RAP1GDS1: variants seen among roughly 807,000 people sequenced by gnomAD.
RAP1GDS1 encodes Rap1 GTPase-GDP dissociation stimulator 1.
RAP1GDS1 carries 35 observed loss-of-function variants against 71.1 expected under a neutral mutation model. The ratio of observed to expected loss-of-function variants is 0.49; its 90% CI spans 0.38 to 0.65. The LOEUF is 0.65. RAP1GDS1 is among the 30% of genes least tolerant of loss of function. The pLI is 0.00. For missense variants in RAP1GDS1, 663 were observed against 706.1 expected (o/e 0.94, Z 0.69); for synonymous variants, 229 against 243.1 (o/e 0.94, Z 0.54).
At chr4:98,279,420 AT>A (rs1381334561) in intron 1 of RAP1GDS1, among the ~76,000 whole-genome samples, 1 of 151,780 alleles carries the variant, frequency 6.6e-6, no homozygotes, top group Admixed American at 6.6e-5. Flanking sequence ...TTTAAATGAT[AT>A]AAAAAAGTAT....
At chr4:98,425,498 C>T (rs1436599334) in intron 12 of RAP1GDS1, among the ~76,000 whole-genome samples, 1 of 152,054 alleles carries the variant, frequency 6.6e-6, no homozygotes, top group African/African-American at 2.4e-5. Flanking sequence ...ACTTACCCAA[C>T]ACATAAGGAC....
intron 2 of RAP1GDS1, among the ~76,000 whole-genome samples, chr4:98,332,853 A>C (rs1734191253): frequency 6.6e-6 from 1 of 152,182 alleles, no homozygotes; most frequent in African/African-American, 2.4e-5. Context: ...CTCAATCTTT[A>C]GAAAGACTTG....
intron 2 of RAP1GDS1, among the ~76,000 whole-genome samples, chr4:98,336,000 G>A (rs1471775493): frequency 3.3e-5 from 5 of 151,972 alleles, no homozygotes; most frequent in South Asian, 2.1e-4. Flanking sequence ...GCAAATTGAC[G>A]ACTTCAAAAA....
chr4:98,267,526 G>A (rs183263066), intron 1 of RAP1GDS1, among the ~76,000 whole-genome samples: 18 of 152,174 alleles, frequency 1.2e-4, no homozygotes, highest in African/African-American at 4.1e-4. Context: ...CCCAGTATCT[G>A]TTGTTCCCAT....
chr4:98,295,772 A>T (rs1054773563), intron 2 of RAP1GDS1, among the ~76,000 whole-genome samples: 4 of 152,088 alleles, frequency 2.6e-5, no homozygotes, highest in Admixed American at 1.3e-4. Context: ...TAATAAAAAT[A>T]GCTCTAAATT....
intron 9 of RAP1GDS1, among the ~76,000 whole-genome samples, chr4:98,417,714 A>C (rs1287081935): frequency 6.6e-6 from 1 of 152,210 alleles, no homozygotes; most frequent in African/African-American, 2.4e-5. Context: ...TTTAAATATC[A>C]TGAAGTGCTT....
intron 11 of RAP1GDS1, among the ~76,000 whole-genome samples, chr4:98,420,362 ATTTG>A (rs971562909): frequency 0.014 from 1,980 of 146,646 alleles, 53 homozygotes; most frequent in African/African-American, 0.047. Flanking sequence ...TTATTTATTT[ATTTG>A]TTTATTTATT....
chr4:98,341,050 C>T (rs1309192234), intron 2 of RAP1GDS1, among the ~76,000 whole-genome samples: 1 of 152,064 alleles, frequency 6.6e-6, no homozygotes, highest in Admixed American at 6.6e-5. Context: ...AAAAAATACA[C>T]TTTGTAGTTA....
At chr4:98,262,320 GTAGT>G (rs1560736623) in intron 1 of RAP1GDS1, among the ~76,000 whole-genome samples, 1 of 152,180 alleles carries the variant, frequency 6.6e-6, no homozygotes, top group Admixed American at 6.5e-5. Flanking sequence ...AACTTACATG[GTAGT>G]TATTCTTTCC....
chr4:98,416,493 C>G (rs1220215689), intron 7 of RAP1GDS1, among the ~76,000 whole-genome samples: 1 of 151,402 alleles, frequency 6.6e-6, no homozygotes, highest in Non-Finnish European at 1.5e-5. Context: ...ACTACAGGCG[C>G]CTGCCACTGC....
Position 98,404,568 on chromosome 4 carries a change from G to A in RAP1GDS1, c.729G>A (p.Met243Ile), listed in dbSNP as rs746859030. 1.2e-6 allele frequency: 2 copies of A among 1,602,314 alleles called. No individual in the cohort carries two copies. Among genetic ancestry groups the A allele is most frequent in the Admixed American group, 3.5e-5 (2 of 57,592 alleles). The change falls in exon 7 of 15, where the codon ATG becomes ATA. Residue 243 changes from methionine to isoleucine, a missense_variant. Met to Ile is a conservative substitution (Grantham distance 10, BLOSUM62 1). Coordinates refer to ENST00000408927, the MANE Select transcript of RAP1GDS1 (RefSeq NM_001100427.2). ...AAATAGAACATGATAAGAGAGAAATGATTTTTGAAGTTCTTGCTCCATTGG... is the reference window on the plus strand; with the variant it reads ...AAATAGAACATGATAAGAGAGAAATAATTTTTGAAGTTCTTGCTCCATTGG... ...KKQIEHDKRE[M>I]IFEVLAPLAE...
intron 12 of RAP1GDS1, among the ~76,000 whole-genome samples, chr4:98,430,826 T>G (rs1197191564): frequency 6.6e-6 from 1 of 152,260 alleles, no homozygotes; most frequent in Non-Finnish European, 1.5e-5. Context: ...TCTTAAACTT[T>G]GAAGATCATA....
rs564009331 is a variant in RAP1GDS1 at position 98,270,800 on chromosome 4, A to G, written c.4+9231A>G. On this transcript the variant is annotated intron_variant, in intron 1 of 14. Transcript: ENST00000408927. ...CTTTTACCTCCTCCACCTCTGCCACACCTGAGACAGCTAGATGAACCCCTC... is the reference window on the plus strand; with the variant it reads ...CTTTTACCTCCTCCACCTCTGCCACGCCTGAGACAGCTAGATGAACCCCTC... Among the ~76,000 whole-genome samples, 8 of 151,842 alleles carry G rather than the reference A, an allele frequency of 5.3e-5. No homozygotes were observed. In the South Asian group the frequency reaches 1.7e-3, roughly 32 times the overall value.
rs1169404691 is a variant in RAP1GDS1, at chr4:98,392,208, A to G, written c.637+128A>G. ...TAGTTTATTTTTTGAAGCATTTGAG[A>G]TATTTCCATCAATATTTTAAAAAGT... On this transcript the variant is annotated intron_variant, in intron 6 of 14. Coordinates refer to ENST00000408927, the MANE Select transcript of RAP1GDS1 (RefSeq NM_001100427.2). The G allele has an allele frequency of 9.0e-6, 8 of 887,270 alleles. No individual in the cohort carries two copies. The South Asian group carries it at 1.4e-4, about 16-fold the overall frequency. 55.0% of individuals were successfully genotyped at this position (887,270 alleles called of 1,614,324 possible). A position where few individuals can be genotyped will look rare whatever the true frequency, so the allele number is the denominator to read the frequency against.
At chr4:98,405,071 AAC>A (rs1166400941) in intron 7 of RAP1GDS1, among the ~76,000 whole-genome samples, 2 of 152,186 alleles carry the variant, frequency 1.3e-5, no homozygotes, top group Non-Finnish European at 2.9e-5. Context: ...TATAATGTCT[AAC>A]ACGTACTCAA....
At chr4:98,387,947 T>C (rs918773241) in intron 5 of RAP1GDS1, among the ~76,000 whole-genome samples, 1 of 152,194 alleles carries the variant, frequency 6.6e-6, no homozygotes, top group Non-Finnish European at 1.5e-5. Context: ...TCAGAATTTC[T>C]TCCTGTTTGT....
intron 1 of RAP1GDS1, among the ~76,000 whole-genome samples, chr4:98,275,202 G>A (rs1314785913): frequency 6.6e-6 from 1 of 152,058 alleles, no homozygotes; most frequent in Non-Finnish European, 1.5e-5. Context: ...CATCTAACTC[G>A]ATAACAAAAC....
intron 1 of RAP1GDS1, among the ~76,000 whole-genome samples, chr4:98,285,040 C>CG (rs1725770869): frequency 1.3e-5 from 2 of 152,148 alleles, no homozygotes; most frequent in South Asian, 4.1e-4. Context: ...TTGTGATTCC[C>CG]GATTCATAGA....
chr4:98,265,813 T>C (rs1367451002), intron 1 of RAP1GDS1, among the ~76,000 whole-genome samples: 1 of 152,118 alleles, frequency 6.6e-6, no homozygotes, highest in Non-Finnish European at 1.5e-5. Flanking sequence ...AGGTCTGTTT[T>C]TTCAGAACAG....
Sources: allele counts gnomAD v4.1 joint callset (sites outside exome capture counted in the v4.1 genomes callset), GRCh38; gene constraint gnomAD v4.1.1; transcripts MANE v1.5; gene names NCBI Gene and HGNC (gene_info 2026-07-23, HGNC 2026-07-21).